Variants in RIN2 observed in about 807,000 individuals in gnomAD.
RIN2 encodes RAB5 interacting protein 2.
Under a neutral mutation model 78.0 loss-of-function variants are expected in RIN2, and 36 were observed. The ratio of observed to expected loss-of-function variants is 0.46; its 90% CI spans 0.35 to 0.61. The LOEUF (loss-of-function observed/expected upper bound fraction) is 0.61. Among genes scored for constraint, RIN2 ranks in the 20% least tolerant of loss-of-function variants. The pLI is 0.00. For synonymous variants in RIN2, 466 were observed against 466.8 expected (o/e 1.00, Z 0.02); for missense variants, 1,087 against 1,159.7 (o/e 0.94, Z 0.91).
At chr20:19,816,524 T>C (rs6106136) in intron 2 of RIN2, among the ~76,000 whole-genome samples, 46,134 of 152,082 alleles carry the variant, frequency 0.3, 7,348 homozygotes, top group African/African-American at 0.4. Flanking sequence ...AAATTCTGGT[T>C]TGATCCTTGG....
chr20:19,967,919 A>T (rs1232725293), intron 7 of RIN2, among the ~76,000 whole-genome samples: 1 of 152,230 alleles, frequency 6.6e-6, no homozygotes, highest in Non-Finnish European at 1.5e-5. Flanking sequence ...AATTAGGATG[A>T]TGAAAACACT....
chr20:19,781,911 G>A (rs1389920057), intron 1 of RIN2, among the ~76,000 whole-genome samples: 1 of 151,960 alleles, frequency 6.6e-6, no homozygotes, highest in Non-Finnish European at 1.5e-5. Flanking sequence ...TGTACTGAAG[G>A]TTATTGATGA....
intron 4 of RIN2, among the ~76,000 whole-genome samples, chr20:19,936,600 A>G (rs1002341873): frequency 2.6e-5 from 4 of 152,204 alleles, no homozygotes; most frequent in Admixed American, 2.6e-4. Context: ...TTTCCCCTGC[A>G]TATAAGCACA....
At chr20:19,779,382 T>C (rs2034420441) in intron 1 of RIN2, among the ~76,000 whole-genome samples, 7 of 152,208 alleles carry the variant, frequency 4.6e-5, no homozygotes, top group Admixed American at 3.9e-4. Flanking sequence ...TAAGTGCTCT[T>C]CTCTGGGCCA....
At chr20:19,904,479 T>C (rs770213793) in intron 3 of RIN2, among the ~76,000 whole-genome samples, 13 of 151,684 alleles carry the variant, frequency 8.6e-5, no homozygotes, top group Non-Finnish European at 1.9e-4. Flanking sequence ...CTACTCACAT[T>C]GGGGTAGGGA....
chr20:19,763,695 A>T (rs892860770), intron 1 of RIN2, among the ~76,000 whole-genome samples: 2 of 152,184 alleles, frequency 1.3e-5, no homozygotes, highest in Non-Finnish European at 2.9e-5. Flanking sequence ...CCTGTGTGAG[A>T]TGTCTTATTC....
At chr20:19,994,743 A>AT (rs1568722735) in intron 11 of RIN2, among the ~76,000 whole-genome samples, 1 of 152,072 alleles carries the variant, frequency 6.6e-6, no homozygotes, top group Non-Finnish European at 1.5e-5. Context: ...GAAATTCTCC[A>AT]TGTAGCATCT....
At position 19,975,553 on chromosome 20, in the gene RIN2, C is replaced by G. The variant is rs754261867; in HGVS notation, c.1528C>G (p.Pro510Ala). The G allele has an allele frequency of 2.5e-6, 4 of 1,613,914 alleles. No homozygotes were observed. The East Asian group carries it at 6.7e-5, about 27-fold the overall frequency. ...VSGVFSSFMT[P>A]EKRMVRRIAE... ...CGGGGTGTTCAGCTCCTTCATGACC[C>G]CGGAGAAGCGGATGGTCCGCAGGAT... The change falls in exon 9 of 13, where the codon CCG (proline) becomes GCG (alanine). Residue 510 changes from proline to alanine, a missense_variant. This residue lies in a region of RIN2 where 706 missense variants were observed against 667.5 expected (regional missense o/e 1.06). Transcript: ENST00000255006. This position sits in a 1 kb window ranked among gnomAD's most constrained non-coding sequence, Gnocchi z 4.9.
chr20:19,914,048 G>C (rs1262733800), intron 3 of RIN2, among the ~76,000 whole-genome samples: 1 of 152,198 alleles, frequency 6.6e-6, no homozygotes, highest in Non-Finnish European at 1.5e-5. Context: ...TTTGTGAAAT[G>C]CAACTACCAG....
chr20:19,800,547 A>G (rs2035208281), intron 2 of RIN2, among the ~76,000 whole-genome samples: 1 of 152,190 alleles, frequency 6.6e-6, no homozygotes, highest in African/African-American at 2.4e-5. Context: ...CATGTCCTTG[A>G]GACCCAGCCA....
intron 2 of RIN2, among the ~76,000 whole-genome samples, chr20:19,846,069 T>G (rs2036772441): frequency 6.6e-6 from 1 of 152,184 alleles, no homozygotes; most frequent in African/African-American, 2.4e-5. Context: ...AGGGCTCTGT[T>G]CTGTTCCATT....
At chr20:19,836,590 C>A (rs1164543229) in intron 2 of RIN2, among the ~76,000 whole-genome samples, 2 of 151,994 alleles carry the variant, frequency 1.3e-5, no homozygotes, top group Non-Finnish European at 2.9e-5. Flanking sequence ...AATTAGGAGA[C>A]CATGAGCTCT....
intron 3 of RIN2, among the ~76,000 whole-genome samples, chr20:19,904,270 A>G (rs1288902873): frequency 6.8e-6 from 1 of 148,128 alleles, no homozygotes; most frequent in Non-Finnish European, 1.5e-5. Context: ...TAAAATATAT[A>G]TATATATTTG....
At chr20:19,931,135 G>A (rs1351837177) in intron 3 of RIN2, among the ~76,000 whole-genome samples, 1 of 152,082 alleles carries the variant, frequency 6.6e-6, no homozygotes, top group Non-Finnish European at 1.5e-5. Flanking sequence ...CCATTGACCT[G>A]TGAACACTTT....
intron 2 of RIN2, among the ~76,000 whole-genome samples, chr20:19,800,994 A>G (rs1328438117): frequency 3.3e-5 from 5 of 152,188 alleles, no homozygotes; most frequent in Non-Finnish European, 5.9e-5. Flanking sequence ...CTGGGCTGGG[A>G]GCTGGGCCTT....
At chr20:19,885,145 G>T (rs1328920257) in intron 2 of RIN2, among the ~76,000 whole-genome samples, 1 of 152,226 alleles carries the variant, frequency 6.6e-6, no homozygotes, top group Admixed American at 6.5e-5. Context: ...AGAACTGTGA[G>T]TAGTGGAATC....
At position 19,806,474 on chromosome 20, in the gene RIN2, C is replaced by G. The variant is rs577608896; in HGVS notation, c.-37+6727C>G. On this transcript the variant is annotated intron_variant, in intron 2 of 12. Coordinates refer to ENST00000255006, the MANE Select transcript of RIN2 (RefSeq NM_018993.4). ...ATGAACATCATGATTATATCCTGTA[C>G]GTTGCCACCCATTTTTCCAGGGAAG... 9.8e-5 allele frequency among the ~76,000 whole-genome samples: 15 copies of G among 152,302 alleles called. No homozygotes were observed. In the East Asian group the frequency reaches 2.9e-3, roughly 29 times the overall value.
In RIN2 at chr20:19,935,444, G is replaced by A. The variant is rs958053234; in HGVS notation, c.158+245G>A. On this transcript the variant is annotated intron_variant, in intron 4 of 12. Coordinates refer to ENST00000255006, the MANE Select transcript of RIN2 (RefSeq NM_018993.4). ...TCAATTCCTCCTGGCACCAGAACCC[G>A]GAAACCTAAAATTGTCTGTGCCATA... The A allele has an allele frequency of 3.7e-5, 47 of 1,261,648 alleles. No individual in the cohort carries two copies. In the East Asian group the frequency reaches 8.9e-4, roughly 24 times the overall value. The allele number at this position is 1,261,648 out of a possible 1,614,324, so 78.2% of individuals were successfully genotyped here. A position where few individuals can be genotyped will look rare whatever the true frequency, so the allele number is the denominator to read the frequency against.
chr20:19,833,037 T>C (rs2036295481), intron 2 of RIN2, among the ~76,000 whole-genome samples: 1 of 152,154 alleles, frequency 6.6e-6, no homozygotes, highest in Non-Finnish European at 1.5e-5. Flanking sequence ...CGGATTACCC[T>C]GCCCTACATG....
Sources: gnomAD v4.1 joint callset for allele counts (sites outside exome capture counted in the v4.1 genomes callset) on GRCh38, gnomAD v4.1.1 for gene constraint, gnomAD v4.1.1 regional missense constraint, Gnocchi (gnomAD v3.1) non-coding constraint, MANE v1.5 for transcripts, NCBI Gene and HGNC (gene_info 2026-07-23, HGNC 2026-07-21) for gene names.